Variants in EPB41L2 observed in about 807,000 individuals in gnomAD.
EPB41L2 encodes erythrocyte membrane protein band 4.1 like 2, also known as band 4.1-like protein 2.
EPB41L2 carries 43 observed loss-of-function variants against 113.0 expected under a neutral mutation model. The observed-to-expected ratio is 0.38, with a 90% CI of 0.30 to 0.49. The LOEUF is 0.49. Among genes scored for constraint, EPB41L2 ranks in the 20% least tolerant of loss-of-function variants. The pLI is 0.95. For synonymous variants in EPB41L2, 442 were observed against 436.7 expected (o/e 1.01, Z -0.15); for missense variants, 1,147 against 1,223.4 (o/e 0.94, Z 0.93).
intron 1 of EPB41L2, among the ~76,000 whole-genome samples, chr6:130,975,991 G>C (rs1425665580): frequency 1.3e-5 from 2 of 152,148 alleles, no homozygotes; most frequent in African/African-American, 4.8e-5. Flanking sequence ...TTGCACCATT[G>C]CACTCCAGCC....
intron 1 of EPB41L2, among the ~76,000 whole-genome samples, chr6:131,027,116 C>A (rs1227513153): frequency 6.6e-6 from 1 of 152,146 alleles, no homozygotes; most frequent in East Asian, 1.9e-4. Context: ...AGGCAAAATA[C>A]ATTGGAAAAA....
chr6:130,872,637 A>G, intron 14 of EPB41L2: 1 of 753,922 alleles, frequency 1.3e-6, no homozygotes, highest in East Asian at 6.9e-5. Context: ...AAGAAAGAAC[A>G]ACAGAACAGC....
chr6:131,002,298 G>C (rs1784520055), intron 1 of EPB41L2, among the ~76,000 whole-genome samples: 2 of 152,262 alleles, frequency 1.3e-5, no homozygotes, highest in South Asian at 4.1e-4. Context: ...ATAATACTGA[G>C]AACGTACAAG....
chr6:130,954,200 C>A (rs1343770012), intron 3 of EPB41L2, among the ~76,000 whole-genome samples: 1 of 151,578 alleles, frequency 6.6e-6, no homozygotes. Context: ...ATACTGGCGC[C>A]CGCCACTACG....
chr6:130,954,028 G>GTTTTT (rs1816312029), intron 3 of EPB41L2, among the ~76,000 whole-genome samples: 1 of 101,194 alleles, frequency 9.9e-6, no homozygotes, highest in Non-Finnish European at 2.2e-5. Context: ...TCTTTTGCTA[G>GTTTTT]TCCTTTTCTT....
intron 3 of EPB41L2, among the ~76,000 whole-genome samples, chr6:130,939,616 C>A (rs1810111199): frequency 1.3e-5 from 2 of 152,066 alleles, no homozygotes; most frequent in South Asian, 4.2e-4. Flanking sequence ...GACCCACCCC[C>A]CAATTAAACA....
At chr6:130,896,825 T>C (rs1186545713) in intron 8 of EPB41L2, among the ~76,000 whole-genome samples, 1 of 152,144 alleles carries the variant, frequency 6.6e-6, no homozygotes, top group Non-Finnish European at 1.5e-5. Context: ...CATGGAGCAA[T>C]GCATGGGGCA....
At chr6:131,061,718 C>G (rs9402314) in intron 1 of EPB41L2, among the ~76,000 whole-genome samples, 22,817 of 152,076 alleles carry the variant, frequency 0.15, 2,342 homozygotes, top group East Asian at 0.43. Flanking sequence ...ACTGCTAAGT[C>G]CAAGGTGAAA....
In EPB41L2 at chr6:130,895,057, G is replaced by A; in HGVS notation, c.1299C>T (p.Asp433=). 1 of 1,614,016 alleles carries A rather than the reference G, an allele frequency of 6.2e-7. No individual in the cohort carries two copies. The highest frequency in any genetic ancestry group is 1.7e-4 in the Middle Eastern group (1 of 6,060). ...VCANGLLIYK[D]RLRINRFAWP... ...AAGCAAAACGATTGATTCGCAGTCT[G>A]TCTTTGTAAATGAGAAGTCCATTAG... The change falls in exon 9 of 20, where the codon GAC becomes GAT. Residue 433 remains aspartate (D), a synonymous_variant. Coordinates refer to ENST00000337057, the MANE Select transcript of EPB41L2 (RefSeq NM_001431.4).
intron 1 of EPB41L2, among the ~76,000 whole-genome samples, chr6:130,981,183 C>A (rs1779310796): frequency 6.6e-6 from 1 of 152,144 alleles, no homozygotes; most frequent in Non-Finnish European, 1.5e-5. Flanking sequence ...ACTCTTCTTA[C>A]ATAGTAACTT....
At chr6:131,024,227 C>A (rs1417646370) in intron 1 of EPB41L2, among the ~76,000 whole-genome samples, 2 of 151,652 alleles carry the variant, frequency 1.3e-5, no homozygotes, top group Non-Finnish European at 2.9e-5. Flanking sequence ...AGAAAGCAGG[C>A]AGAGGGAGGA....
chr6:130,994,331 T>C (rs1403761390), intron 1 of EPB41L2, among the ~76,000 whole-genome samples: 2 of 152,230 alleles, frequency 1.3e-5, no homozygotes, highest in South Asian at 2.1e-4. Flanking sequence ...CTCACTTACC[T>C]GATCATCTAC....
intron 4 of EPB41L2, among the ~76,000 whole-genome samples, chr6:130,920,841 C>T (rs1483493407): frequency 6.6e-6 from 1 of 152,046 alleles, no homozygotes; most frequent in Non-Finnish European, 1.5e-5. Flanking sequence ...ATTTCTTCAT[C>T]CTTCACCTAC....
intron 1 of EPB41L2, among the ~76,000 whole-genome samples, chr6:130,993,402 G>A (rs544491075): frequency 6.6e-6 from 1 of 152,148 alleles, no homozygotes; most frequent in African/African-American, 2.4e-5. Context: ...CAAGGCTCTT[G>A]TATCGGTTCA....
At chr6:130,929,262 A>G (rs1055777522) in intron 3 of EPB41L2, among the ~76,000 whole-genome samples, 1 of 152,236 alleles carries the variant, frequency 6.6e-6, no homozygotes, top group Non-Finnish European at 1.5e-5. Context: ...CAAGAATATG[A>G]TATCTGAAGG....
intron 10 of EPB41L2, among the ~76,000 whole-genome samples, chr6:130,892,641 A>G (rs1267665141): frequency 7.3e-6 from 1 of 136,206 alleles, no homozygotes; most frequent in Non-Finnish European, 1.6e-5. Context: ...AAATTAACAT[A>G]TTAGTCTTGA....
At chr6:131,055,413 T>C (rs1797402058) in intron 1 of EPB41L2, among the ~76,000 whole-genome samples, 2 of 152,156 alleles carry the variant, frequency 1.3e-5, no homozygotes, top group African/African-American at 4.8e-5. Context: ...AAAAACAAGA[T>C]GAAGGGTACT....
chr6:131,045,315 T>TTTAATATTTAAATA (rs1473404140), intron 1 of EPB41L2, among the ~76,000 whole-genome samples: 3 of 152,054 alleles, frequency 2.0e-5, no homozygotes, highest in Admixed American at 6.5e-5. Context: ...ACACAAAATA[T>TTTAATATTTAAATA]TTCATATTTA....
chr6:130,860,192 T>C (rs10457561), intron 18 of EPB41L2, among the ~76,000 whole-genome samples: 17,329 of 152,274 alleles, frequency 0.11, 1,236 homozygotes, highest in South Asian at 0.2. Flanking sequence ...GGACAAGCTC[T>C]GATGGGAGCC....
Sources: gnomAD v4.1 joint callset for allele counts (sites outside exome capture counted in the v4.1 genomes callset) on GRCh38, gnomAD v4.1.1 for gene constraint, MANE v1.5 for transcripts, NCBI Gene and HGNC (gene_info 2026-07-23, HGNC 2026-07-21) for gene names.